Variants in CARM1 observed in about 807,000 individuals in gnomAD.
The protein encoded by CARM1 is histone-arginine methyltransferase CARM1.
A neutral mutation model predicts 72.7 loss-of-function variants in CARM1; 14 were observed. That is an observed-to-expected ratio of 0.19 (90% CI 0.13 to 0.30). The LOEUF is 0.30. Among genes scored for constraint, CARM1 ranks in the 10% least tolerant of loss-of-function variants. The pLI is 1.00. For synonymous variants in CARM1, 333 were observed against 345.5 expected, an observed-to-expected ratio of 0.96 and a Z score of 0.40; for missense variants, 432 against 833.7, an observed-to-expected ratio of 0.52 and a Z score of 5.93.
At chr19:10,906,015 C>T (rs549015557) in intron 2 of CARM1, among the ~76,000 whole-genome samples, 1 of 125,122 alleles carries the variant, frequency 8.0e-6, no homozygotes, top group African/African-American at 3.1e-5. Context: ...GTGGTGCTAT[C>T]TTAGCTCACT....
intron 2 of CARM1, among the ~76,000 whole-genome samples, chr19:10,907,672 C>A (rs1029350974): frequency 2.0e-5 from 3 of 152,184 alleles, no homozygotes; most frequent in African/African-American, 7.2e-5. Flanking sequence ...ACAGATGCTG[C>A]CCTGAGCTTC....
intron 1 of CARM1, among the ~76,000 whole-genome samples, chr19:10,873,483 G>GGAGGCA (rs1241281606): frequency 1.3e-5 from 2 of 151,408 alleles, no homozygotes; most frequent in East Asian, 3.9e-4. Flanking sequence ...CAGCTACTCG[G>GGAGGCA]GAGGCAGAGG....
rs528635597 is a variant in CARM1 at position 10,883,553 on chromosome 19, C to T, written c.220+11631C>T. ...AAAGTCCACGGTGCCGGCCCTGCCACTTCTTTGTTTGGCTTAAGAGACAGG... is the reference window on the plus strand; with the variant it reads ...AAAGTCCACGGTGCCGGCCCTGCCATTTCTTTGTTTGGCTTAAGAGACAGG... On this transcript the variant is annotated intron_variant, in intron 1 of 15. Transcript: ENST00000327064. Among the ~76,000 whole-genome samples the T allele has an allele frequency of 2.4e-3, 368 of 152,298 alleles. 3 individuals are homozygous for T. The highest frequency in any genetic ancestry group is 8.1e-3 in the African/African-American group (335 of 41,574).
chr19:10,895,190 C>T (rs1012151133), intron 1 of CARM1, among the ~76,000 whole-genome samples: 3 of 152,278 alleles, frequency 2.0e-5, no homozygotes, highest in Non-Finnish European at 1.5e-5. Context: ...CTGCAACCTC[C>T]GCCTCCCAGG....
In CARM1 at chr19:10,920,116, T is replaced by A. The variant is rs1046540256; in HGVS notation, c.1196+150T>A. The A allele has an allele frequency of 2.2e-5, 14 of 633,880 alleles. No individual in the cohort carries two copies. The highest frequency in any genetic ancestry group is 5.5e-5 in the African/African-American group (2 of 36,104). The allele number at this position is 633,880 out of a possible 1,614,324, so 39.3% of individuals were successfully genotyped here. On this transcript the variant is annotated intron_variant, in intron 10 of 15. Coordinates refer to ENST00000327064, the MANE Select transcript of CARM1 (RefSeq NM_199141.2). This position sits in a 1 kb window ranked among gnomAD's most constrained non-coding sequence, Gnocchi z 5.3. ...CCTGTCTCGGAGCAAGAGACTGTTG[T>A]GGGTGGGGTGTGTGTGTGTGTGTGT...
intron 8 of CARM1, among the ~76,000 whole-genome samples, chr19:10,917,878 T>A (rs1306492423): frequency 1.3e-5 from 2 of 151,928 alleles, no homozygotes; most frequent in Non-Finnish European, 2.9e-5. Context: ...TCCCAGCTAG[T>A]TTTTTGTAAT....
rs966003827 is a variant in CARM1 at position 10,875,586 on chromosome 19, G to A, written c.220+3664G>A. ...ACTACAGGCGCCCGCCACCACGCCC[G>A]GCTAATTCTTTGTATTTTTAGTAGA... On this transcript the variant is annotated intron_variant, in intron 1 of 15. Coordinates refer to ENST00000327064, the MANE Select transcript of CARM1 (RefSeq NM_199141.2). Among the ~76,000 whole-genome samples the A allele has an allele frequency of 1.3e-4, 20 of 152,020 alleles. No homozygotes were observed. In the East Asian group the frequency reaches 1.6e-3, roughly 12 times the overall value.
At chr19:10,906,634 T>C (rs2074106255) in intron 2 of CARM1, among the ~76,000 whole-genome samples, 1 of 152,030 alleles carries the variant, frequency 6.6e-6, no homozygotes, top group African/African-American at 2.4e-5. Context: ...AGATAATTTT[T>C]TGTATTTTTA....
Position 10,921,617 on chromosome 19 carries a change from T to C in CARM1, c.1687T>C (p.Ser563Pro). 1 of 1,610,358 alleles carries C rather than the reference T, an allele frequency of 6.2e-7. No individual in the cohort carries two copies. The highest frequency in any genetic ancestry group is 8.5e-7 in the Non-Finnish European group (1 of 1,177,736). ...CACTGCCATTGCCTGCTCCACAGGG[T>C]CCTCCGGCGCCCAGGGCAGTGGTGG... is the stretch of plus-strand genomic sequence containing the variant. The part of the protein sequence containing the change: ...SIMSTGIVQG[S>P]SGAQGSGGGS... Residue 563 changes from serine to proline, a missense_variant and splice_region_variant, in exon 16 of 16, where the codon TCC (serine) becomes CCC (proline). Ser to Pro is a moderately conservative substitution (Grantham distance 74). Coordinates refer to ENST00000327064, the MANE Select transcript of CARM1 (RefSeq NM_199141.2).
At chr19:10,910,040 C>A (rs1026252339) in intron 4 of CARM1, among the ~76,000 whole-genome samples, 4 of 152,162 alleles carry the variant, frequency 2.6e-5, no homozygotes, top group African/African-American at 9.7e-5. Context: ...CTGCGGTGAG[C>A]TGTGATTGGG....
rs1440089165 is a variant in CARM1 at position 10,871,628 on chromosome 19, G to GGCGGCGGCGGCGGCGGCGGCGGCA, written c.-64_-63insGGCGGCGGCGGCAGCGGCGGCGGC. 2 of 138,886 alleles carry GGCGGCGGCGGCGGCGGCGGCGGCA rather than the reference G, an allele frequency of 1.4e-5. No individual in the cohort carries two copies. The highest frequency in any genetic ancestry group is 7.6e-5 in the African/African-American group (2 of 26,462). 8.6% of individuals were successfully genotyped at this position (138,886 alleles called of 1,614,324 possible). Reference sequence around the variant, plus strand: ...CGGCGGCGGCGGCGGCGGCGGCGGCGGCGGCGGCGGCAGCGGCGGCGGCCT... The same window carrying GGCGGCGGCGGCGGCGGCGGCGGCA: ...CGGCGGCGGCGGCGGCGGCGGCGGCGGCGGCGGCGGCGGCGGCGGCGGCAGCGGCGGCGGCAGCGGCGGCGGCCT... On this transcript the variant is annotated 5_prime_UTR_variant, in exon 1 of 16. Transcript: ENST00000327064. This position sits in a 1 kb window ranked among gnomAD's most constrained non-coding sequence, Gnocchi z 5.6.
intron 14 of CARM1, 121 bp downstream of exon 14, chr19:10,921,248 TG>T: frequency 1.4e-6 from 2 of 1,428,626 alleles, no homozygotes; most frequent in Non-Finnish European, 2.0e-6. Flanking sequence ...TTCCTCTTCC[TG>T]GGGGCTCTCG....
At chr19:10,882,761 C>G (rs377218908) in intron 1 of CARM1, among the ~76,000 whole-genome samples, 172 of 152,098 alleles carry the variant, frequency 1.1e-3, no homozygotes, top group African/African-American at 3.9e-3. Flanking sequence ...AGGCTGGCCT[C>G]GAACTCCTAA....
intron 3 of CARM1, 126 bp from the exon 4 acceptor site, chr19:10,908,977 G>A (rs2074124964): frequency 1.6e-6 from 1 of 629,314 alleles, no homozygotes. Context: ...CCCAGGCAGA[G>A]GGTGCACGAC....
intron 1 of CARM1, among the ~76,000 whole-genome samples, chr19:10,897,512 C>G (rs954337470): frequency 6.6e-6 from 1 of 152,194 alleles, no homozygotes; most frequent in African/African-American, 2.4e-5. Flanking sequence ...CCAGCCCCTC[C>G]TCCCTTGGCC....
chr19:10,883,784 G>C (rs56249273), intron 1 of CARM1, among the ~76,000 whole-genome samples: 1 of 152,176 alleles, frequency 6.6e-6, no homozygotes, highest in African/African-American at 2.4e-5. Flanking sequence ...TTGGGAGGCT[G>C]AGGCAGGTGA....
Position 10,922,103 on chromosome 19 carries a change from C to A in CARM1, c.*346C>A. Reference sequence around the variant, plus strand: ...GCCTGCCAGGTCCCTTAGCACCTGTCCCCCTGCCTGTCTCCAGTGGGAAGG... The same window carrying A: ...GCCTGCCAGGTCCCTTAGCACCTGTACCCCTGCCTGTCTCCAGTGGGAAGG... On this transcript the variant is annotated 3_prime_UTR_variant, in exon 16 of 16. Coordinates refer to ENST00000327064, the MANE Select transcript of CARM1 (RefSeq NM_199141.2). 1.0e-5 allele frequency: 2 copies of A among 196,550 alleles called. No homozygotes were observed. Among genetic ancestry groups the A allele is most frequent in the Non-Finnish European group, 2.1e-5 (2 of 97,330 alleles). 12.2% of individuals were successfully genotyped at this position (196,550 alleles called of 1,614,324 possible).
intron 1 of CARM1, among the ~76,000 whole-genome samples, chr19:10,886,444 C>A (rs1313325727): frequency 1.3e-5 from 2 of 152,176 alleles, no homozygotes; most frequent in Non-Finnish European, 2.9e-5. Flanking sequence ...AGTCCTCCCA[C>A]CTCGACCACC....
intron 4 of CARM1, 91 bp downstream of exon 4, chr19:10,909,298 T>G: frequency 1.2e-6 from 1 of 812,330 alleles, no homozygotes; most frequent in Admixed American, 2.3e-5. Context: ...TTTCTCAGAT[T>G]AGAAATGCAT....
Sources: allele counts gnomAD v4.1 joint callset (sites outside exome capture counted in the v4.1 genomes callset), GRCh38; gene constraint gnomAD v4.1.1; non-coding constraint Gnocchi (gnomAD v3.1); transcripts MANE v1.5; gene names NCBI Gene and HGNC (gene_info 2026-07-23, HGNC 2026-07-21).